The following LRGUK variants were observed in gnomAD, a reference collection of about 807,000 sequenced individuals.
LRGUK encodes the protein leucine rich repeats and guanylate kinase domain containing, also known as leucine-rich repeat and guanylate kinase domain-containing protein.
In LRGUK, 65 loss-of-function variants were observed where a neutral mutation model predicts 76.0. The observed-to-expected ratio is 0.85, with a 90% CI of 0.70 to 1.05. LRGUK has a LOEUF of 1.05. LRGUK is among the 50% of genes least tolerant of loss of function. The probability of loss-of-function intolerance (pLI) is 0.00; values close to 1 mark genes in which losing one functional copy is unlikely to be tolerated. For missense variants in LRGUK, 758 were observed against 732.8 expected (o/e 1.03, Z -0.40); for synonymous variants, 268 against 265.6 (o/e 1.01, Z -0.09).
chr7:134,258,994 G>A (rs374957106), intron 19 of LRGUK, among the ~76,000 whole-genome samples: 4 of 152,144 alleles, frequency 2.6e-5, no homozygotes, highest in African/African-American at 9.7e-5. Context: ...CTGGGACAAC[G>A]ACCACATGCT....
chr7:134,148,175 T>C lies in LRGUK; in HGVS notation c.589-63T>C. 4 of 1,058,488 alleles carry C rather than the reference T, an allele frequency of 3.8e-6. No homozygotes were observed. In the East Asian group the frequency reaches 9.6e-5, roughly 25 times the overall value. 65.6% of individuals were successfully genotyped at this position (1,058,488 alleles called of 1,614,324 possible). ...AAATACCTTCTTCTTGCACAGTTAATTATTGTGGCAAACATGAAAAATGAA... is the reference window on the plus strand; with the variant it reads ...AAATACCTTCTTCTTGCACAGTTAACTATTGTGGCAAACATGAAAAATGAA... On this transcript the variant is annotated intron_variant, in intron 4 of 15. Transcript: ENST00000645682.
chr7:134,199,541 G>C lies in LRGUK; in HGVS notation c.1747+120G>C, dbSNP rs1393918422. 3.7e-6 allele frequency: 3 copies of C among 819,164 alleles called. No individual in the cohort carries two copies. The Admixed American group carries it at 7.8e-5, about 21-fold the overall frequency. The allele number at this position is 819,164 out of a possible 1,614,324, so 50.7% of individuals were successfully genotyped here. A position where few individuals can be genotyped will look rare whatever the true frequency, so the allele number is the denominator to read the frequency against. ...TTTTCTTGTAACGGTGAATCACAAA[G>C]AGCTGCGAAAAGGGGTAAGAATCCA... is the stretch of plus-strand genomic sequence containing the variant. On this transcript the variant is annotated intron_variant, in intron 14 of 15. Transcript: ENST00000645682.
At chr7:134,172,982 A>C (rs1424244708) in intron 7 of LRGUK, among the ~76,000 whole-genome samples, 1 of 152,082 alleles carries the variant, frequency 6.6e-6, no homozygotes, top group Admixed American at 6.6e-5. Flanking sequence ...GCAAGAACCC[A>C]TCTCAAAAAT....
intron 16 of LRGUK, among the ~76,000 whole-genome samples, chr7:134,245,581 A>G (rs1341988015): frequency 6.6e-6 from 1 of 152,182 alleles, no homozygotes; most frequent in Non-Finnish European, 1.5e-5. Context: ...TGATTTCGCT[A>G]TTTAGTTGCT....
chr7:134,263,623 C>CTTTTTTTT (rs59840547), intron 19 of LRGUK, among the ~76,000 whole-genome samples: 15 of 113,998 alleles, frequency 1.3e-4, no homozygotes, highest in Non-Finnish European at 1.6e-4. Flanking sequence ...TCATTTCTTT[C>CTTTTTTTT]TTTTTTTTTT....
At chr7:134,210,718 GC>G (rs1467712241), downstream of LRGUK, among the ~76,000 whole-genome samples, 1 of 152,214 alleles carries the variant, frequency 6.6e-6, no homozygotes, top group African/African-American at 2.4e-5. Flanking sequence ...AGGACAGTGA[GC>G]CCCCAACCCA....
chr7:134,239,723 T>C (rs1194314718), intron 16 of LRGUK, among the ~76,000 whole-genome samples: 10 of 152,178 alleles, frequency 6.6e-5, no homozygotes, highest in Non-Finnish European at 1.5e-4. Context: ...GCACAGAGTT[T>C]GAGATCTGAG....
chr7:134,169,924 A>G (rs1799171349), intron 7 of LRGUK, among the ~76,000 whole-genome samples: 1 of 152,134 alleles, frequency 6.6e-6, no homozygotes, highest in East Asian at 1.9e-4. Flanking sequence ...GACTCTTACT[A>G]TATTTCATAA....
At chr7:134,129,295 CTCTTTCTTTCTTTCCT>C (rs1797180145) in intron 1 of LRGUK, among the ~76,000 whole-genome samples, 3 of 128,742 alleles carry the variant, frequency 2.3e-5, no homozygotes, top group Non-Finnish European at 5.0e-5. Context: ...CACTCTGTCT[CTCTTTCTTTCTTTCCT>C]TCTTTCTTTC....
At chr7:134,232,524 C>T (rs1220301044) in intron 16 of LRGUK, among the ~76,000 whole-genome samples, 5 of 152,128 alleles carry the variant, frequency 3.3e-5, no homozygotes, top group African/African-American at 1.2e-4. Context: ...GTGATCTGCC[C>T]ACCTTGGCCT....
the LRGUK span, among the ~76,000 whole-genome samples, chr7:134,272,194 T>C: frequency 6.6e-6 from 1 of 152,200 alleles, no homozygotes; most frequent in South Asian, 2.1e-4. Flanking sequence ...TCTTCCTAGT[T>C]TAATAGGAGT....
intron 6 of LRGUK, 45 bp downstream of exon 6, chr7:134,158,204 G>T (rs1798567348): frequency 2.0e-6 from 3 of 1,531,556 alleles, no homozygotes; most frequent in South Asian, 1.2e-5. Flanking sequence ...AGTAGTTAAT[G>T]CTTTTAGTAA....
chr7:134,195,748 G>A (rs535084064), intron 12 of LRGUK, among the ~76,000 whole-genome samples: 1 of 152,126 alleles, frequency 6.6e-6, no homozygotes, highest in East Asian at 1.9e-4. Context: ...ATATAGAAAA[G>A]GAGTCACAGT....
chr7:134,201,118 G>A (rs1800749015), intron 14 of LRGUK, among the ~76,000 whole-genome samples: 1 of 152,208 alleles, frequency 6.6e-6, no homozygotes, highest in South Asian at 2.1e-4. Flanking sequence ...TCTGCCAACA[G>A]CTGGAGAAAA....
intron 15 of LRGUK, among the ~76,000 whole-genome samples, chr7:134,207,551 G>A (rs548188274): frequency 7.8e-4 from 119 of 152,296 alleles, no homozygotes; most frequent in African/African-American, 2.8e-3. Flanking sequence ...CCTCTCCCTA[G>A]AGAACACCGG....
intron 16 of LRGUK, among the ~76,000 whole-genome samples, chr7:134,243,567 G>A (rs1008240789): frequency 2.6e-4 from 40 of 152,216 alleles, no homozygotes; most frequent in African/African-American, 9.6e-4. Context: ...CAAACAAATG[G>A]AAGAACATTC....
At chr7:134,136,187 G>A (rs1450707798) in intron 1 of LRGUK, among the ~76,000 whole-genome samples, 1 of 152,116 alleles carries the variant, frequency 6.6e-6, no homozygotes, top group Non-Finnish European at 1.5e-5. Context: ...TGGAGTTGAA[G>A]GCAGCACAAA....
At chr7:134,144,216 G>A (rs1341933890) in intron 4 of LRGUK, among the ~76,000 whole-genome samples, 2 of 152,082 alleles carry the variant, frequency 1.3e-5, no homozygotes, top group African/African-American at 2.4e-5. Context: ...CACTCTCACC[G>A]CAACCTCCGA....
chr7:134,157,953 C>A, intron 5 of LRGUK, 82 bp from the exon 6 acceptor site: 1 of 1,244,474 alleles, frequency 8.0e-7, no homozygotes. Context: ...TCTGCTTTGT[C>A]TAGTGATGAT....
Sources: allele counts gnomAD v4.1 joint callset (sites outside exome capture counted in the v4.1 genomes callset), GRCh38; gene constraint gnomAD v4.1.1; transcripts MANE v1.5; gene names NCBI Gene and HGNC (gene_info 2026-07-23, HGNC 2026-07-21).